Variants in ULK4 observed in about 807,000 individuals in gnomAD.
ULK4 encodes the protein inactive serine/threonine-protein kinase ULK4.
Under a neutral mutation model 160.6 loss-of-function variants are expected in ULK4, and 133 were observed. The observed-to-expected ratio is 0.83, with a 90% CI of 0.72 to 0.96. ULK4 has a LOEUF of 0.96. Among genes scored for constraint, ULK4 ranks in the 40% least tolerant of loss-of-function variants. The pLI is 0.00. For missense variants in ULK4, 1,580 were observed against 1,499.5 expected, an observed-to-expected ratio of 1.05 and a Z score of -0.89; for synonymous variants, 534 against 539.8, an observed-to-expected ratio of 0.99 and a Z score of 0.15.
At chr3:41,785,014 AC>A (rs1393031933) in intron 21 of ULK4, among the ~76,000 whole-genome samples, 2 of 152,330 alleles carry the variant, frequency 1.3e-5, no homozygotes, top group East Asian at 3.9e-4. Context: ...TGGATAAATT[AC>A]AAATAAATGG....
At chr3:41,357,659 C>T (rs1021974644) in intron 35 of ULK4, among the ~76,000 whole-genome samples, 1 of 152,146 alleles carries the variant, frequency 6.6e-6, no homozygotes, top group South Asian at 2.1e-4. Flanking sequence ...GGGCTCAGAA[C>T]ATGTTTGTCG....
chr3:41,819,397 T>C lies in ULK4; in HGVS notation c.1848+26A>G, dbSNP rs376427188. ...AAGGGTTATTACAATTGCCAGCATC[T>C]ACAGAGGACAACAAAGGAGCCTTAC... On this transcript the variant is annotated intron_variant, in intron 19 of 36. Transcript: ENST00000301831. 84 of 1,605,366 alleles carry C rather than the reference T, an allele frequency of 5.2e-5. 1 individual carries two copies. In the African/African-American group the frequency reaches 1.0e-3, roughly 20 times the overall value.
At chr3:41,678,856 T>C (rs2035824573) in intron 29 of ULK4, among the ~76,000 whole-genome samples, 1 of 152,174 alleles carries the variant, frequency 6.6e-6, no homozygotes, top group Non-Finnish European at 1.5e-5. Context: ...GGGTGCTATA[T>C]AGTTCCCATG....
At chr3:41,368,454 C>T (rs1317977851) in intron 35 of ULK4, among the ~76,000 whole-genome samples, 1 of 152,156 alleles carries the variant, frequency 6.6e-6, no homozygotes, top group Non-Finnish European at 1.5e-5. Context: ...GTGCAATCAT[C>T]ACCACAATCA....
chr3:41,445,195 T>C (rs1216797020), intron 34 of ULK4, among the ~76,000 whole-genome samples: 1 of 152,156 alleles, frequency 6.6e-6, no homozygotes, highest in Non-Finnish European at 1.5e-5. Flanking sequence ...CAAGGAGAAC[T>C]ACAAACCACT....
intron 31 of ULK4, among the ~76,000 whole-genome samples, chr3:41,596,857 T>C (rs1437924759): frequency 3.9e-5 from 6 of 152,040 alleles, no homozygotes; most frequent in African/African-American, 9.7e-5. Context: ...AGGGAAGAAA[T>C]TGGGCCTGAT....
chr3:41,934,316 G>A (rs1699691767), intron 4 of ULK4, among the ~76,000 whole-genome samples: 2 of 152,130 alleles, frequency 1.3e-5, no homozygotes, highest in Non-Finnish European at 2.9e-5. Context: ...CATTATACAG[G>A]ATTTTATGGA....
intron 21 of ULK4, among the ~76,000 whole-genome samples, chr3:41,764,726 G>A (rs1361483977): frequency 6.6e-6 from 1 of 152,242 alleles, no homozygotes; most frequent in East Asian, 1.9e-4. Flanking sequence ...GGCTTCAAAT[G>A]CCACATTTCT....
intron 18 of ULK4, among the ~76,000 whole-genome samples, chr3:41,826,553 A>G (rs978584098): frequency 6.7e-6 from 1 of 149,264 alleles, no homozygotes; most frequent in African/African-American, 2.5e-5. Context: ...AGATCAAAAG[A>G]GACAAAGAAG....
At chr3:41,858,772 C>T (rs767972831) in intron 17 of ULK4, among the ~76,000 whole-genome samples, 2 of 150,720 alleles carry the variant, frequency 1.3e-5, no homozygotes, top group Admixed American at 6.6e-5. Context: ...CCCAAAGTGT[C>T]GGGATTATAG....
At chr3:41,470,958 A>C (rs2083974984) in intron 32 of ULK4, among the ~76,000 whole-genome samples, 1 of 152,144 alleles carries the variant, frequency 6.6e-6, no homozygotes, top group African/African-American at 2.4e-5. Context: ...AAAATGACAG[A>C]AGTCCTTACC....
chr3:41,737,618 T>C (rs1438482619), intron 22 of ULK4, among the ~76,000 whole-genome samples: 1 of 152,076 alleles, frequency 6.6e-6, no homozygotes, highest in East Asian at 1.9e-4. Context: ...CATTTTTATC[T>C]GTTTAATGCA....
At chr3:41,567,629 T>C (rs1227435992) in intron 31 of ULK4, among the ~76,000 whole-genome samples, 2 of 151,976 alleles carry the variant, frequency 1.3e-5, no homozygotes, top group East Asian at 3.9e-4. Flanking sequence ...TGTTTTGTTT[T>C]GTTTTTTGTA....
intron 35 of ULK4, among the ~76,000 whole-genome samples, chr3:41,299,348 C>T (rs957455830): frequency 1.3e-5 from 2 of 152,222 alleles, no homozygotes; most frequent in African/African-American, 4.8e-5. Context: ...TGAGGGAGCA[C>T]AGCATTCAAC....
chr3:41,455,474 A>G (rs773016421), intron 34 of ULK4, 23 bp downstream of exon 34: 3 of 1,602,516 alleles, frequency 1.9e-6, no homozygotes, highest in Admixed American at 3.4e-5. Flanking sequence ...AATGCCCCAA[A>G]AGACATACAG....
At chr3:41,513,865 C>T (rs1190074738) in intron 32 of ULK4, among the ~76,000 whole-genome samples, 1 of 152,130 alleles carries the variant, frequency 6.6e-6, no homozygotes, top group South Asian at 2.1e-4. Context: ...GTACAGTGCA[C>T]ACTGCTTGGG....
intron 30 of ULK4, among the ~76,000 whole-genome samples, chr3:41,644,283 G>A (rs1315918442): frequency 6.6e-5 from 10 of 151,846 alleles, no homozygotes; most frequent in South Asian, 2.1e-4. Flanking sequence ...TTTTCAAAGG[G>A]AATGCTTCCA....
chr3:41,890,350 T>C (rs1269605328), intron 16 of ULK4, among the ~76,000 whole-genome samples: 2 of 151,704 alleles, frequency 1.3e-5, no homozygotes, highest in African/African-American at 4.8e-5. Flanking sequence ...AAGGATGAAA[T>C]AGGAAGAAAT....
At chr3:41,388,457 T>C (rs1452909998) in intron 35 of ULK4, among the ~76,000 whole-genome samples, 1 of 152,082 alleles carries the variant, frequency 6.6e-6, no homozygotes, top group Admixed American at 6.5e-5. Flanking sequence ...CCCATGCCTA[T>C]GTCCTGAATG....
Sources: gnomAD v4.1 joint callset for allele counts (sites outside exome capture counted in the v4.1 genomes callset) on GRCh38, gnomAD v4.1.1 for gene constraint, MANE v1.5 for transcripts, NCBI Gene and HGNC (gene_info 2026-07-23, HGNC 2026-07-21) for gene names.